SH3TC2: variants seen among roughly 807,000 people sequenced by gnomAD.
SH3TC2 encodes the protein SH3 domain and tetratricopeptide repeat-containing protein 2.
Under a neutral mutation model 124.5 loss-of-function variants are expected in SH3TC2, and 87 were observed. That is an observed-to-expected ratio of 0.70 (90% confidence interval 0.59 to 0.84). SH3TC2 has a LOEUF of 0.84. SH3TC2 is among the 40% of genes least tolerant of loss of function. The pLI, the probability that SH3TC2 is intolerant of heterozygous loss-of-function variation, is 0.00. For missense variants in SH3TC2, 1,536 were observed against 1,566.4 expected, an observed-to-expected ratio of 0.98 and a Z score of 0.33; for synonymous variants, 634 against 628.5, an observed-to-expected ratio of 1.01 and a Z score of -0.13.
chr5:149,010,341 G>T lies in SH3TC2; in HGVS notation c.3256C>A (p.Leu1086Ile). 2 of 1,613,960 alleles carry T rather than the reference G, an allele frequency of 1.2e-6. No individual in the cohort carries two copies. The highest frequency in any genetic ancestry group is 1.7e-6 in the Non-Finnish European group (2 of 1,180,038). The change falls in exon 14 of 17, where the codon CTT becomes ATT. Residue 1086 changes from leucine to isoleucine, a missense_variant. By Grantham distance (5) the Leu-to-Ile change is conservative. Around this residue, in one of 3 missense-constraint regions of SH3TC2, gnomAD observed 426 missense variants for 443.5 expected, o/e 0.96. Coordinates refer to ENST00000515425, the MANE Select transcript of SH3TC2 (RefSeq NM_024577.4). ...KSEEPLLALK[L>I]YEEAGDVFFN... The stretch of plus-strand genomic sequence containing the variant: ...AACACATCACCTGCTTCTTCATAAA[G>T]TTTGAGAGCCAGCAAAGGCTCCTCT...
chr5:149,002,768 T>TG lies in SH3TC2; in HGVS notation c.*1942dup, dbSNP rs2127390799. 7.0e-6 allele frequency: 1 copy of TG among 142,840 alleles called. No homozygotes were observed. The allele number at this position is 142,840 out of a possible 1,614,324, so 8.8% of individuals were successfully genotyped here. On this transcript the variant is annotated 3_prime_UTR_variant, in exon 17 of 17. Coordinates refer to ENST00000515425, the MANE Select transcript of SH3TC2 (RefSeq NM_024577.4). ...CCACCTGCATCAGGCTTGCTTGAGT[T>TG]GCTTTCTAAAAATGCATGTTCCTGG...
At chr5:149,010,513 T>G (rs1024673515) in intron 13 of SH3TC2, 121 bp from the exon 14 acceptor site, 6 of 1,345,254 alleles carry the variant, frequency 4.5e-6, no homozygotes, top group Non-Finnish European at 5.1e-6. Flanking sequence ...GTCCCCCAAA[T>G]CCTAAATGTC....
chr5:149,016,275 AG>A (rs1249330672), intron 12 of SH3TC2, among the ~76,000 whole-genome samples: 2 of 152,234 alleles, frequency 1.3e-5, no homozygotes, highest in Non-Finnish European at 2.9e-5. Context: ...TCTAACTTTC[AG>A]AGTCTGACCC....
chr5:149,022,000 G>A (rs1413590595), intron 12 of SH3TC2, among the ~76,000 whole-genome samples: 1 of 35,308 alleles, frequency 2.8e-5, no homozygotes, highest in Non-Finnish European at 4.4e-5. Flanking sequence ...TGCAAGCTCC[G>A]CCTCCCGGGT....
rs1036341460 is a variant in SH3TC2, at chr5:149,014,416, G to A, written c.3054-1682C>T. Among the ~76,000 whole-genome samples, 20 of 152,228 alleles carry A rather than the reference G, an allele frequency of 1.3e-4. No individual in the cohort carries two copies. The East Asian group carries it at 3.3e-3, about 25-fold the overall frequency. ...CTTAAGTAGAAAGTCCTCAACAAAC[G>A]TGGTTACCACTTGATTATGGACCTC... On this transcript the variant is annotated intron_variant, in intron 12 of 16. Coordinates refer to ENST00000515425, the MANE Select transcript of SH3TC2 (RefSeq NM_024577.4).
rs148321018 is a variant in SH3TC2, at chr5:149,028,554, G to A, written c.1178C>T (p.Ala393Val). ...SIQNPPNDLS[A>V]SQPEGFKEVR... ...CTCCTTGAAACCTTCAGGCTGGGAT[G>A]CTGTAAGGACAGGCAAAGTTGAGCA... The change falls in exon 11 of 17, where the codon GCA (alanine) becomes GTA (valine). Residue 393 changes from alanine (A) to valine (V), a missense_variant and splice_region_variant. Transcript: ENST00000515425. 338 of 1,614,166 alleles carry A rather than the reference G, an allele frequency of 2.1e-4. No individual in the cohort carries two copies. In the African/African-American group the frequency reaches 3.9e-3, roughly 19 times the overall value.
chr5:149,030,450 A>G (rs1036201234), intron 9 of SH3TC2, among the ~76,000 whole-genome samples: 1 of 152,236 alleles, frequency 6.6e-6, no homozygotes, highest in Admixed American at 6.5e-5. Context: ...GCTGGCAGAA[A>G]TCATGATCCA....
intron 13 of SH3TC2, among the ~76,000 whole-genome samples, 196 bp downstream of exon 13, chr5:149,012,388 G>C (rs921306545): frequency 2.0e-5 from 3 of 152,150 alleles, no homozygotes; most frequent in African/African-American, 7.2e-5. Context: ...CTGGCCCTTT[G>C]CTCCCTGTAT....
rs1050478366 is a variant in SH3TC2, at chr5:148,983,003, T to C, written c.*21708A>G. Among the ~76,000 whole-genome samples, 2 of 152,204 alleles carry C rather than the reference T, an allele frequency of 1.3e-5. No homozygotes were observed. Among genetic ancestry groups the C allele is most frequent in the African/African-American group, 4.8e-5 (2 of 41,448 alleles). On this transcript the variant is annotated 3_prime_UTR_variant, in exon 17 of 17. Coordinates refer to ENST00000515425, the MANE Select transcript of SH3TC2 (RefSeq NM_024577.4). ...CTGACATTGACATTGGCATTGACAT[T>C]GATGCTGATGTCAAGGTGTTCCCTT...
intron 4 of SH3TC2, chr5:149,044,302 T>A: frequency 2.1e-6 from 1 of 474,642 alleles, no homozygotes; most frequent in Non-Finnish European, 3.9e-6. Flanking sequence ...TAAAAAAAGA[T>A]CTCCCTGGAC....
rs140163529 is a variant in SH3TC2, at chr5:149,018,679, T to C, written c.3054-5945A>G. Among the ~76,000 whole-genome samples, 786 of 152,282 alleles carry C rather than the reference T, an allele frequency of 5.2e-3. 10 individuals carry two copies. Among genetic ancestry groups the C allele is most frequent in the African/African-American group, 0.018 (734 of 41,544 alleles). Reference sequence around the variant, plus strand: ...ATGGGAGCAATAATTCAAGGTAAGATTTGGATGGGGATACAGCCAAACCAT... The same window carrying C: ...ATGGGAGCAATAATTCAAGGTAAGACTTGGATGGGGATACAGCCAAACCAT... On this transcript the variant is annotated intron_variant, in intron 12 of 16. Transcript: ENST00000515425.
Position 149,031,596 on chromosome 5 carries a change from G to A in SH3TC2, c.1093C>T (p.His365Tyr), listed in dbSNP as rs762705089. Reference sequence around the variant, plus strand: ...GTGATGTCAGTGCGAGCAAGAGTGTGGAGGAAGCTGGAACACTCAGTCTGC... The same window carrying A: ...GTGATGTCAGTGCGAGCAAGAGTGTAGAGGAAGCTGGAACACTCAGTCTGC... Reference protein sequence around the residue: ...DKQTECSSFLHTLARTDITSV... With the variant: ...DKQTECSSFLYTLARTDITSV... The change falls in exon 9 of 17, where the codon CAC becomes TAC. Residue 365 changes from histidine to tyrosine, a missense_variant. This residue lies in a region of SH3TC2 where 1,102 missense variants were observed against 1,098.6 expected (regional missense o/e 1.00). Transcript: ENST00000515425. 1 of 1,614,166 alleles carries A rather than the reference G, an allele frequency of 6.2e-7. No individual in the cohort carries two copies. Among genetic ancestry groups the A allele is most frequent in the East Asian group, 2.2e-5 (1 of 44,874 alleles).
Position 149,041,548 on chromosome 5 carries a change from A to C in SH3TC2, c.599T>G (p.Leu200Arg), listed in dbSNP as rs776211031. The C allele has an allele frequency of 2.5e-6, 4 of 1,614,186 alleles. No individual in the cohort carries two copies. In the Admixed American group the frequency reaches 6.7e-5, roughly 27 times the overall value. ...PAEKEGECLT[L>R]CKNELISVKM... is the part of the protein sequence containing the mutation. ...CACTGAGATTAACTCATTCTTGCAAAGTGTCAAGCATTCCCCTTCCTTCTC... is the reference window on the plus strand; with the variant it reads ...CACTGAGATTAACTCATTCTTGCAACGTGTCAAGCATTCCCCTTCCTTCTC... Residue 200 changes from leucine to arginine, a missense_variant, in exon 6 of 17, where the codon CTT becomes CGT. Transcript: ENST00000515425.
intron 16 of SH3TC2, among the ~76,000 whole-genome samples, chr5:149,005,597 C>CA (rs1753674057): frequency 6.6e-6 from 1 of 152,164 alleles, no homozygotes; most frequent in South Asian, 2.1e-4. Context: ...AGCTATGGGG[C>CA]AGAGGCAAGA....
intron 15 of SH3TC2, 36 bp downstream of exon 15, chr5:149,008,815 T>C: frequency 6.2e-7 from 1 of 1,613,122 alleles, no homozygotes; most frequent in South Asian, 1.1e-5. Flanking sequence ...TAATCACCCC[T>C]CTCATTCAAC....
intron 14 of SH3TC2, among the ~76,000 whole-genome samples, 156 bp from the exon 15 acceptor site, chr5:149,009,157 C>G (rs1171951728): frequency 6.6e-6 from 1 of 152,142 alleles, no homozygotes; most frequent in African/African-American, 2.4e-5. Context: ...TTTACTCAAC[C>G]CTCTCTCTCC....
chr5:149,004,988 T>TTTC, intron 16 of SH3TC2, 86 bp from the exon 17 acceptor site: 12 of 1,403,760 alleles, frequency 8.5e-6, no homozygotes, highest in Non-Finnish European at 1.0e-5. Context: ...GCCACTCTAG[T>TTTC]TTTTTTTGTT....
chr5:149,003,969 T>C lies in SH3TC2; in HGVS notation c.*742A>G, dbSNP rs1248941490. On this transcript the variant is annotated 3_prime_UTR_variant, in exon 17 of 17. Transcript: ENST00000515425. ...TGTGTGTGTAAATGTAACTGGACAA[T>C]ATTTAATCATATACACTATTTACAT... 1.1e-5 allele frequency: 3 copies of C among 267,664 alleles called. No homozygotes were observed. Among genetic ancestry groups the C allele is most frequent in the African/African-American group, 6.8e-5 (3 of 44,220 alleles). 16.6% of individuals were successfully genotyped at this position (267,664 alleles called of 1,614,324 possible). A position where few individuals can be genotyped will look rare whatever the true frequency, so the allele number is the denominator to read the frequency against.
chr5:149,027,357 T>C lies in SH3TC2; in HGVS notation c.2375A>G (p.Glu792Gly). Residue 792 changes from glutamate to glycine, a missense_variant, in exon 11 of 17, where the codon GAG (glutamate) becomes GGG (glycine). By Grantham distance (98) the Glu-to-Gly change is moderately conservative. This residue lies in a region of SH3TC2 where 1,102 missense variants were observed against 1,098.6 expected (regional missense o/e 1.00). Coordinates refer to ENST00000515425, the MANE Select transcript of SH3TC2 (RefSeq NM_024577.4). ...GAGAGAAGACTCAAAGGATTCCTGCTCACCCAGCAGCTGCCCTAGCACCAA... is the reference window on the plus strand; with the variant it reads ...GAGAGAAGACTCAAAGGATTCCTGCCCACCCAGCAGCTGCCCTAGCACCAA... ...QALVLGQLLG[E>G]QESFESSLCL... 6.2e-7 allele frequency: 1 copy of C among 1,614,020 alleles called. No individual in the cohort carries two copies. Among genetic ancestry groups the C allele is most frequent in the Non-Finnish European group, 8.5e-7 (1 of 1,179,998 alleles).
Sources: allele counts gnomAD v4.1 joint callset (sites outside exome capture counted in the v4.1 genomes callset), GRCh38; gene constraint gnomAD v4.1.1; regional missense constraint gnomAD v4.1.1; transcripts MANE v1.5; gene names NCBI Gene and HGNC (gene_info 2026-07-23, HGNC 2026-07-21).